ZNF385D: variants seen among roughly 807,000 people sequenced by gnomAD.
ZNF385D encodes the protein zinc finger protein 385D.
ZNF385D carries 15 observed loss-of-function variants against 35.8 expected under a neutral mutation model. The observed-to-expected ratio is 0.42, with a 90% CI of 0.28 to 0.64. The LOEUF (loss-of-function observed/expected upper bound fraction) is 0.64. Ranked by LOEUF, ZNF385D falls within the 30% of genes least tolerant of loss-of-function variation. The pLI is 0.23. For missense variants in ZNF385D, 474 were observed against 494.6 expected (o/e 0.96, Z 0.39); for synonymous variants, 212 against 186.8 (o/e 1.13, Z -1.10).
At chr3:21,487,052 A>C (rs162409) in intron 4 of ZNF385D, among the ~76,000 whole-genome samples, 27,983 of 152,076 alleles carry the variant, frequency 0.18, 2,658 homozygotes, top group Admixed American at 0.28. Flanking sequence ...GCAAGTTCTT[A>C]TTTATATTGA....
intron 1 of ZNF385D, among the ~76,000 whole-genome samples, chr3:21,695,757 TTA>T (rs140836853): frequency 6.7e-5 from 10 of 149,546 alleles, no homozygotes; most frequent in Non-Finnish European, 1.2e-4. Flanking sequence ...TAAATATATA[TTA>T]TATATATATA....
chr3:22,072,745 A>G (rs1700287622), intron 3 of ZNF385D, among the ~76,000 whole-genome samples: 1 of 151,934 alleles, frequency 6.6e-6, no homozygotes, highest in Non-Finnish European at 1.5e-5. Context: ...AGGAAGAAAA[A>G]AGAAGAAATA....
At chr3:22,026,156 C>A (rs185566420) in intron 3 of ZNF385D, among the ~76,000 whole-genome samples, 6 of 152,002 alleles carry the variant, frequency 3.9e-5, no homozygotes, top group African/African-American at 1.5e-4. Flanking sequence ...GCATTCCTAC[C>A]TACATTATAC....
intron 1 of ZNF385D, among the ~76,000 whole-genome samples, chr3:21,688,177 C>A (rs372272027): frequency 6.6e-6 from 1 of 152,020 alleles, no homozygotes; most frequent in Non-Finnish European, 1.5e-5. Flanking sequence ...TTGAGGGGAA[C>A]AAACACATTA....
chr3:21,627,360 G>T (rs1658250326), intron 2 of ZNF385D, among the ~76,000 whole-genome samples: 1 of 151,292 alleles, frequency 6.6e-6, no homozygotes, highest in Non-Finnish European at 1.5e-5. Context: ...CCCAGCCTCT[G>T]TACTCTAAGA....
At chr3:22,366,884 G>T (rs760756777) in intron 2 of ZNF385D, among the ~76,000 whole-genome samples, 37 of 152,132 alleles carry the variant, frequency 2.4e-4, no homozygotes, top group African/African-American at 7.5e-4. Context: ...GAAGACAAAG[G>T]CCGAGATTGG....
chr3:21,781,842 T>C (rs373242560), intron 3 of ZNF385D, among the ~76,000 whole-genome samples: 4 of 152,196 alleles, frequency 2.6e-5, no homozygotes, highest in African/African-American at 9.6e-5. Context: ...AATCAAATAA[T>C]TGACCACTCT....
intron 3 of ZNF385D, among the ~76,000 whole-genome samples, chr3:22,137,591 C>T (rs1704229486): frequency 6.6e-6 from 1 of 152,174 alleles, no homozygotes; most frequent in Non-Finnish European, 1.5e-5. Context: ...TCAACAGATG[C>T]AGAAAAGGCC....
At chr3:22,342,071 C>T (rs927567893) in intron 2 of ZNF385D, among the ~76,000 whole-genome samples, 1 of 151,858 alleles carries the variant, frequency 6.6e-6, no homozygotes, top group Non-Finnish European at 1.5e-5. Flanking sequence ...GTCAGGAAAT[C>T]GAGACCATCC....
intron 2 of ZNF385D, among the ~76,000 whole-genome samples, chr3:22,187,399 A>G (rs1695710163): frequency 6.6e-6 from 1 of 152,196 alleles, no homozygotes; most frequent in Admixed American, 6.6e-5. Flanking sequence ...ATTTAAGACC[A>G]TAATTAATTT....
chr3:22,300,257 G>A (rs1702824662), intron 2 of ZNF385D, among the ~76,000 whole-genome samples: 1 of 151,864 alleles, frequency 6.6e-6, no homozygotes, highest in Admixed American at 6.6e-5. Flanking sequence ...TTTGCATGCA[G>A]AATGAAATTG....
intron 3 of ZNF385D, among the ~76,000 whole-genome samples, chr3:22,012,263 T>C (rs1038300434): frequency 3.3e-5 from 5 of 152,156 alleles, no homozygotes; most frequent in Non-Finnish European, 5.9e-5. Context: ...ATTTACAAGC[T>C]AAAATTGAAA....
chr3:21,743,778 C>T (rs2069631674), intron 1 of ZNF385D, among the ~76,000 whole-genome samples: 1 of 152,192 alleles, frequency 6.6e-6, no homozygotes, highest in Non-Finnish European at 1.5e-5. Context: ...CACAAACATT[C>T]AGTCCATAAC....
At chr3:22,139,773 A>G (rs1704383254) in intron 3 of ZNF385D, among the ~76,000 whole-genome samples, 1 of 152,138 alleles carries the variant, frequency 6.6e-6, no homozygotes, top group Non-Finnish European at 1.5e-5. Flanking sequence ...AATAAAACAA[A>G]AAAAAGAATA....
intron 5 of ZNF385D, among the ~76,000 whole-genome samples, chr3:21,426,489 T>A (rs1701032794): frequency 6.6e-6 from 1 of 152,214 alleles, no homozygotes; most frequent in South Asian, 2.1e-4. Flanking sequence ...CTGTTCATAA[T>A]GGCAGTTTTC....
intron 3 of ZNF385D, among the ~76,000 whole-genome samples, chr3:21,854,229 G>T (rs1696579587): frequency 6.6e-6 from 1 of 151,802 alleles, no homozygotes; most frequent in Non-Finnish European, 1.5e-5. Context: ...GAGAGCTTTT[G>T]AACCGGTTAT....
intron 3 of ZNF385D, among the ~76,000 whole-genome samples, chr3:22,163,395 T>G (rs1706099090): frequency 6.6e-6 from 1 of 152,146 alleles, no homozygotes; most frequent in Non-Finnish European, 1.5e-5. Context: ...CCTAATTAAT[T>G]TATATACATC....
chr3:22,019,962 G>GA (rs527396471), intron 3 of ZNF385D, among the ~76,000 whole-genome samples: 40 of 151,542 alleles, frequency 2.6e-4, no homozygotes, highest in African/African-American at 9.2e-4. Context: ...GGTAGATAAT[G>GA]AAAAAAACAA....
At chr3:22,330,442 C>T (rs571667553) in intron 2 of ZNF385D, among the ~76,000 whole-genome samples, 1 of 151,882 alleles carries the variant, frequency 6.6e-6, no homozygotes, top group East Asian at 1.9e-4. Flanking sequence ...GTTGTTTATT[C>T]TTGTTGAGTT....
Sources: gnomAD v4.1 joint callset for allele counts (sites outside exome capture counted in the v4.1 genomes callset) on GRCh38, gnomAD v4.1.1 for gene constraint, MANE v1.5 for transcripts, NCBI Gene and HGNC (gene_info 2026-07-23, HGNC 2026-07-21) for gene names.